The following TNN variants were observed in gnomAD, a reference collection of about 807,000 sequenced individuals.
The protein encoded by TNN is tenascin-N.
In TNN, 122 loss-of-function variants were observed where a neutral mutation model predicts 134.4. That is an observed-to-expected ratio of 0.91 (90% confidence interval 0.78 to 1.06). TNN has a LOEUF of 1.06. TNN is among the 50% of genes least tolerant of loss of function. The pLI is 0.00. For missense variants in TNN, 1,739 were observed against 1,699.4 expected, an observed-to-expected ratio of 1.02 and a Z score of -0.41; for synonymous variants, 710 against 670.3, an observed-to-expected ratio of 1.06 and a Z score of -0.91.
rs1676101946 is a variant in TNN at position 175,147,465 on chromosome 1, A to G, written c.*394A>G. ...ATCTTTTCTCTGGAAAGAAGCACAG[A>G]GGAGGAGTTCTGATGACCCAGGGGT... On this transcript the variant is annotated 3_prime_UTR_variant, in exon 19 of 19. Transcript: ENST00000239462. The G allele has an allele frequency of 6.3e-6, 1 of 157,756 alleles. No homozygotes were observed. The highest frequency in any genetic ancestry group is 6.5e-5 in the Admixed American group (1 of 15,470). The allele number at this position is 157,756 out of a possible 1,614,324, so 9.8% of individuals were successfully genotyped here. A position where few individuals can be genotyped will look rare whatever the true frequency, so the allele number is the denominator to read the frequency against.
chr1:175,113,898 G>A (rs1675100023), intron 9 of TNN, among the ~76,000 whole-genome samples: 1 of 151,452 alleles, frequency 6.6e-6, no homozygotes, highest in African/African-American at 2.4e-5. Flanking sequence ...CATTAGCTGT[G>A]TTTCTTTTTT....
In TNN at chr1:175,080,266, C is replaced by G. The variant is rs757733935; in HGVS notation, c.888C>G (p.Tyr296Ter). The G allele has an allele frequency of 6.2e-7, 1 of 1,614,110 alleles. No homozygotes were observed. Among genetic ancestry groups the G allele is most frequent in the Non-Finnish European group, 8.5e-7 (1 of 1,179,980 alleles). The change falls in exon 4 of 19, where the codon TAC becomes TAG. Residue 296 changes from tyrosine (Y) to a stop codon, truncating the protein, a stop_gained. Coordinates refer to ENST00000239462, the MANE Select transcript of TNN (RefSeq NM_022093.2). LOFTEE classifies it high-confidence loss of function. ...SQVDHYLLSY[Y>*]PLGKELSGKQ... ...TGGATCACTACCTCCTCAGCTACTACCCCCTGGGGAAGGAGCTCTCTGGGA... is the reference window on the plus strand; with the variant it reads ...TGGATCACTACCTCCTCAGCTACTAGCCCCTGGGGAAGGAGCTCTCTGGGA...
intron 15 of TNN, among the ~76,000 whole-genome samples, chr1:175,129,712 T>C (rs1432891210): frequency 6.6e-6 from 1 of 152,048 alleles, no homozygotes. Flanking sequence ...CATACAAGAA[T>C]GACAAAGCTG....
intron 6 of TNN, among the ~76,000 whole-genome samples, chr1:175,086,062 G>T (rs563022520): frequency 6.6e-6 from 1 of 152,222 alleles, no homozygotes; most frequent in Non-Finnish European, 1.5e-5. Context: ...ACACCGTTCT[G>T]CTTATTTTAA....
At chr1:175,076,632 T>G (rs4651301) in intron 1 of TNN, among the ~76,000 whole-genome samples, 87,869 of 152,116 alleles carry the variant, frequency 0.58, 26,730 homozygotes, top group African/African-American at 0.79. Context: ...ACAAGTGAGT[T>G]TCGTGAGCAG....
chr1:175,132,982 G>A (rs1675711684), intron 15 of TNN, among the ~76,000 whole-genome samples: 1 of 152,262 alleles, frequency 6.6e-6, no homozygotes, highest in Non-Finnish European at 1.5e-5. Flanking sequence ...GGCACATGCT[G>A]TGAAGTCTAG....
At chr1:175,074,673 G>A (rs748971107) in intron 1 of TNN, among the ~76,000 whole-genome samples, 3 of 152,112 alleles carry the variant, frequency 2.0e-5, no homozygotes, top group Non-Finnish European at 4.4e-5. Flanking sequence ...CATGCTTTTG[G>A]TGATAGGAAG....
At chr1:175,131,416 C>T (rs1447153527) in intron 15 of TNN, among the ~76,000 whole-genome samples, 1 of 152,106 alleles carries the variant, frequency 6.6e-6, no homozygotes, top group East Asian at 1.9e-4. Context: ...GAACCAGACA[C>T]AAAGAGGTTT....
intron 9 of TNN, among the ~76,000 whole-genome samples, chr1:175,107,109 G>T (rs1674876706): frequency 6.8e-6 from 1 of 146,360 alleles, no homozygotes; most frequent in Non-Finnish European, 1.5e-5. Context: ...GCCAAAATGT[G>T]TCCGGAATTG....
chr1:175,125,963 TTC>T lies in TNN; in HGVS notation c.2915-973_2915-972del, dbSNP rs151299690. Among the ~76,000 whole-genome samples the T allele has an allele frequency of 2.9e-3, 406 of 140,362 alleles. 4 individuals are homozygous for T. Among genetic ancestry groups the T allele is most frequent in the Admixed American group, 4.4e-3 (60 of 13,580 alleles). The allele number at this position is 140,362 out of a possible 152,430, so 92.1% of individuals were successfully genotyped here. A position where few individuals can be genotyped will look rare whatever the true frequency, so the allele number is the denominator to read the frequency against. The stretch of plus-strand genomic sequence containing the variant: ...CGCTTCTCTCCCTTTCTTTCTTTCC[TTC>T]TCTCTCTCTCTCTCTCTCCTCTATA... On this transcript the variant is annotated intron_variant, in intron 12 of 18. Transcript: ENST00000239462.
chr1:175,089,980 A>G (rs1246943966), intron 6 of TNN, among the ~76,000 whole-genome samples: 1 of 152,216 alleles, frequency 6.6e-6, no homozygotes, highest in East Asian at 1.9e-4. Flanking sequence ...ACAGCCACCA[A>G]CACACACATT....
Position 175,098,222 on chromosome 1 carries a change from C to T in TNN, c.1856-110C>T, listed in dbSNP as rs1674620809. 15 of 1,484,526 alleles carry T rather than the reference C, an allele frequency of 1.0e-5. No homozygotes were observed. In the South Asian group the frequency reaches 1.6e-4, roughly 16 times the overall value. The allele number at this position is 1,484,526 out of a possible 1,614,324, so 92.0% of individuals were successfully genotyped here. A position where few individuals can be genotyped will look rare whatever the true frequency, so the allele number is the denominator to read the frequency against. ...CAGCGGAGACTCAGGATGAGAATGC[C>T]ATTGCCTTGTTCTAAAAGAGCTCTG... On this transcript the variant is annotated intron_variant, in intron 8 of 18. Transcript: ENST00000239462.
intron 6 of TNN, among the ~76,000 whole-genome samples, chr1:175,091,148 C>T (rs1029064587): frequency 6.6e-6 from 1 of 152,394 alleles, no homozygotes; most frequent in Non-Finnish European, 1.5e-5. Flanking sequence ...TCTCTGAGGC[C>T]TTCCTCCCAT....
At chr1:175,120,097 T>G (rs1485606109) in intron 11 of TNN, among the ~76,000 whole-genome samples, 1 of 152,246 alleles carries the variant, frequency 6.6e-6, no homozygotes. Context: ...GAATAGACGC[T>G]GTGTGATAGA....
intron 1 of TNN, among the ~76,000 whole-genome samples, chr1:175,075,078 C>G (rs1574137835): frequency 6.6e-6 from 1 of 152,354 alleles, no homozygotes; most frequent in East Asian, 1.9e-4. Context: ...TGCGTAGCAG[C>G]AACTCAGTAA....
chr1:175,140,680 C>G (rs1261330646), intron 17 of TNN, among the ~76,000 whole-genome samples: 1 of 152,202 alleles, frequency 6.6e-6, no homozygotes, highest in African/African-American at 2.4e-5. Context: ...ACAGTGCCAG[C>G]AAGTAGAGGA....
Position 175,080,427 on chromosome 1 carries a change from G to A in TNN, c.1048+1G>A, listed in dbSNP as rs769814664. On this transcript the variant is annotated splice_donor_variant, in intron 4 of 18. Transcript: ENST00000239462. LOFTEE classifies it high-confidence loss of function. ...CCACAGCATCTACTTGCCACCACAGGTGAGGAAGCCACCTGATGCCCCAGG... is the reference window on the plus strand; with the variant it reads ...CCACAGCATCTACTTGCCACCACAGATGAGGAAGCCACCTGATGCCCCAGG... 6.2e-7 allele frequency: 1 copy of A among 1,613,546 alleles called. No individual in the cohort carries two copies. The highest frequency in any genetic ancestry group is 8.5e-7 in the Non-Finnish European group (1 of 1,179,538).
intron 11 of TNN, among the ~76,000 whole-genome samples, chr1:175,119,068 A>G (rs1244601223): frequency 6.6e-6 from 1 of 152,258 alleles, no homozygotes; most frequent in African/African-American, 2.4e-5. Flanking sequence ...ACCCTTAGAA[A>G]GGGTTCTTGG....
intron 5 of TNN, among the ~76,000 whole-genome samples, 172 bp downstream of exon 5, chr1:175,084,107 A>G (rs1476461602): frequency 2.0e-5 from 3 of 152,182 alleles, no homozygotes; most frequent in Non-Finnish European, 2.9e-5. Flanking sequence ...CCCACCTGGG[A>G]GGCCTGTAGA....
Sources: gnomAD v4.1 joint callset for allele counts (sites outside exome capture counted in the v4.1 genomes callset) on GRCh38, gnomAD v4.1.1 for gene constraint, MANE v1.5 for transcripts, NCBI Gene and HGNC (gene_info 2026-07-23, HGNC 2026-07-21) for gene names.